Variants in PCDHGA1 observed in about 807,000 individuals in gnomAD.
PCDHGA1 encodes the protein protocadherin gamma-A1.
In PCDHGA1, 32 loss-of-function variants were observed where a neutral mutation model predicts 58.0. The ratio of observed to expected loss-of-function variants is 0.55; its 90% confidence interval spans 0.42 to 0.74. The LOEUF (loss-of-function observed/expected upper bound fraction) is 0.74. Ranked by LOEUF, PCDHGA1 falls within the 30% of genes least tolerant of loss-of-function variation. The probability of loss-of-function intolerance (pLI) is 0.00; values close to 1 mark genes in which losing one functional copy is unlikely to be tolerated. For missense variants in PCDHGA1, 1,205 were observed against 1,182.3 expected, an observed-to-expected ratio of 1.02 and a Z score of -0.28; for synonymous variants, 498 against 501.1, an observed-to-expected ratio of 0.99 and a Z score of 0.08.
At chr5:141,383,781 G>A (rs1435690676) in intron 1 of PCDHGA1, 13 of 1,613,850 alleles carry the variant, frequency 8.1e-6, no homozygotes, top group Non-Finnish European at 1.1e-5. Context: ...TGTTTCATCT[G>A]AACTCGCTTA....
chr5:141,399,561 G>A, intron 1 of PCDHGA1: 2 of 1,614,042 alleles, frequency 1.2e-6, no homozygotes, highest in Non-Finnish European at 1.7e-6. Flanking sequence ...TGGACTTGGG[G>A]TTGAACGGCC....
intron 1 of PCDHGA1, chr5:141,355,817 C>A: frequency 6.2e-7 from 1 of 1,612,886 alleles, no homozygotes; most frequent in African/African-American, 1.3e-5. Context: ...GAGGAAGAGG[C>A]GGTTCACCAC....
At chr5:141,473,966 G>A (rs1268822103) in intron 1 of PCDHGA1, among the ~76,000 whole-genome samples, 3 of 152,174 alleles carry the variant, frequency 2.0e-5, no homozygotes, top group Non-Finnish European at 4.4e-5. Context: ...CTACTTAGAA[G>A]TCTGAGGCGG....
chr5:141,510,223 G>C (rs944276162), intron 3 of PCDHGA1, among the ~76,000 whole-genome samples: 1 of 151,302 alleles, frequency 6.6e-6, no homozygotes, highest in African/African-American at 2.4e-5. Context: ...CAGTGAGCCG[G>C]GATCGCGCCA....
At position 141,340,123 on chromosome 5, in the gene PCDHGA1, T is replaced by C. The variant is rs571663322; in HGVS notation, c.2421+7018T>C. Reference sequence around the variant, plus strand: ...CTGGGCAGAACGCATTCACCACCTGTTCACTCCCCGAGGATCTTCCTTTTA... The same window carrying C: ...CTGGGCAGAACGCATTCACCACCTGCTCACTCCCCGAGGATCTTCCTTTTA... On this transcript the variant is annotated intron_variant, in intron 1 of 3. Coordinates refer to ENST00000517417, the MANE Select transcript of PCDHGA1 (RefSeq NM_018912.3). The C allele has an allele frequency of 3.7e-6, 6 of 1,614,158 alleles. No homozygotes were observed. In the East Asian group the frequency reaches 1.3e-4, roughly 36 times the overall value.
intron 1 of PCDHGA1, chr5:141,383,991 A>G: frequency 6.2e-7 from 1 of 1,613,866 alleles, no homozygotes; most frequent in Non-Finnish European, 8.5e-7. Context: ...CTCTTGGGAC[A>G]GTCATTGCTC....
At chr5:141,380,197 G>A (rs1222877039) in intron 1 of PCDHGA1, among the ~76,000 whole-genome samples, 1 of 152,144 alleles carries the variant, frequency 6.6e-6, no homozygotes, top group East Asian at 1.9e-4. Flanking sequence ...ACTGAGCCCG[G>A]CCTGAAAGGC....
intron 1 of PCDHGA1, chr5:141,341,560 CTG>C: frequency 7.5e-7 from 1 of 1,340,940 alleles, no homozygotes; most frequent in Non-Finnish European, 1.0e-6. Context: ...TGTTCACAGG[CTG>C]TAAGAGGAAG....
At chr5:141,364,582 G>A (rs1379738059) in intron 1 of PCDHGA1, 1 of 1,614,206 alleles carries the variant, frequency 6.2e-7, no homozygotes, top group Non-Finnish European at 8.5e-7. Flanking sequence ...GCGGCAGCTT[G>A]GTCACCGCGG....
intron 1 of PCDHGA1, among the ~76,000 whole-genome samples, chr5:141,468,754 T>C (rs1205525962): frequency 6.6e-6 from 1 of 152,036 alleles, no homozygotes; most frequent in Admixed American, 6.6e-5. Flanking sequence ...TAGTCCCAGC[T>C]ACTCGGGAGG....
intron 1 of PCDHGA1, chr5:141,388,283 C>T (rs1164558432): frequency 1.2e-6 from 2 of 1,613,304 alleles, no homozygotes; most frequent in East Asian, 4.5e-5. Flanking sequence ...CGCCAAAATT[C>T]ACGCAAAATT....
At position 141,362,450 on chromosome 5, in the gene PCDHGA1, CG is replaced by C. The variant is rs749881682; in HGVS notation, c.2421+29347del. 9 of 1,614,050 alleles carry C rather than the reference CG, an allele frequency of 5.6e-6. No homozygotes were observed. The African/African-American group carries it at 1.2e-4, about 22-fold the overall frequency. ...GAGTTCAATTTTCTGAACATAACCC[CG>C]GAATTGGTTCCCGCGCAAGATCTCG... On this transcript the variant is annotated intron_variant, in intron 1 of 3. Coordinates refer to ENST00000517417, the MANE Select transcript of PCDHGA1 (RefSeq NM_018912.3).
In PCDHGA1 at chr5:141,372,254, C is replaced by T. The variant is rs776276298; in HGVS notation, c.2421+39149C>T. The T allele has an allele frequency of 2.2e-5, 35 of 1,612,978 alleles. No homozygotes were observed. In the East Asian group the frequency reaches 7.6e-4, roughly 35 times the overall value. On this transcript the variant is annotated intron_variant, in intron 1 of 3. Transcript: ENST00000517417. ...GCGAGCCCGGGCTGTTCAGCCTGGG[C>T]CTGCGCACGGGTGAGGTGCGCACGG...
At chr5:141,374,401 T>C in intron 1 of PCDHGA1, 7 of 1,614,060 alleles carry the variant, frequency 4.3e-6, no homozygotes, top group Non-Finnish European at 5.1e-6. Flanking sequence ...TGGTGAGTTT[T>C]AACATCCTTG....
At chr5:141,423,642 T>C (rs1293550754) in intron 1 of PCDHGA1, 2 of 1,596,770 alleles carry the variant, frequency 1.3e-6, no homozygotes, top group African/African-American at 2.7e-5. Flanking sequence ...TAGGCAAATG[T>C]GACCCGACAA....
Position 141,413,313 on chromosome 5 carries a change from C to T in PCDHGA1, c.2421+80208C>T, listed in dbSNP as rs1346034749. The T allele has an allele frequency of 1.9e-6, 3 of 1,613,842 alleles. No homozygotes were observed. The African/African-American group carries it at 4.0e-5, about 22-fold the overall frequency. On this transcript the variant is annotated intron_variant, in intron 1 of 3. Transcript: ENST00000517417. The stretch of plus-strand genomic sequence containing the variant: ...CAATTCCTGAGGAATTAGAGAAAGG[C>T]TCTTTCGTGGGCAACATCTCCAAGG...
intron 1 of PCDHGA1, chr5:141,415,324 G>A (rs2095854761): frequency 1.9e-6 from 3 of 1,614,108 alleles, no homozygotes; most frequent in African/African-American, 2.7e-5. Flanking sequence ...CGTGCTGCTG[G>A]CGCACAGGCT....
chr5:141,428,646 C>T (rs542682298), intron 1 of PCDHGA1: 7 of 170,630 alleles, frequency 4.1e-5, no homozygotes, highest in South Asian at 3.0e-4. Flanking sequence ...CTCCTACTCA[C>T]GTGAGTTCCA....
At chr5:141,381,029 T>C (rs976718384) in intron 1 of PCDHGA1, among the ~76,000 whole-genome samples, 4 of 152,266 alleles carry the variant, frequency 2.6e-5, no homozygotes, top group Admixed American at 6.5e-5. Context: ...TTAGTTCCTT[T>C]AAACAAAATT....
Sources: allele counts gnomAD v4.1 joint callset (sites outside exome capture counted in the v4.1 genomes callset), GRCh38; gene constraint gnomAD v4.1.1; transcripts MANE v1.5; gene names NCBI Gene and HGNC (gene_info 2026-07-23, HGNC 2026-07-21).